Variants in RGL1 observed in about 807,000 individuals in gnomAD.
RGL1 encodes the protein ral guanine nucleotide dissociation stimulator like 1.
In RGL1, 24 loss-of-function variants were observed where a neutral mutation model predicts 95.2. The ratio of observed to expected loss-of-function variants is 0.25; its 90% confidence interval spans 0.18 to 0.35. The LOEUF (loss-of-function observed/expected upper bound fraction) is 0.35, where lower values mean the gene tolerates loss of function less well. Among genes scored for constraint, RGL1 ranks in the 10% least tolerant of loss-of-function variants. The pLI is 1.00. For missense variants in RGL1, 715 were observed against 936.3 expected (o/e 0.76, Z 3.08); for synonymous variants, 329 against 344.9 (o/e 0.95, Z 0.51).
At chr1:183,849,150 C>G (rs1186210023) in intron 3 of RGL1, among the ~76,000 whole-genome samples, 1 of 152,054 alleles carries the variant, frequency 6.6e-6, no homozygotes, top group Non-Finnish European at 1.5e-5. Context: ...AGTGCAGTCA[C>G]ACAATCATAG....
At chr1:183,855,652 G>A (rs958834801) in intron 3 of RGL1, among the ~76,000 whole-genome samples, 1 of 152,154 alleles carries the variant, frequency 6.6e-6, no homozygotes, top group African/African-American at 2.4e-5. Flanking sequence ...GAACCCGCAC[G>A]ACGGGTCTCA....
chr1:183,801,111 A>G (rs1465525890), upstream of RGL1, among the ~76,000 whole-genome samples: 9 of 149,336 alleles, frequency 6.0e-5, no homozygotes, highest in Non-Finnish European at 1.3e-4. Context: ...AAGGGTTCCA[A>G]TTTCTCCCCA....
chr1:183,777,268 T>C (rs1659652701), intron 2 of RGL1, among the ~76,000 whole-genome samples: 1 of 152,236 alleles, frequency 6.6e-6, no homozygotes, highest in Non-Finnish European at 1.5e-5. Context: ...GACATTTTCT[T>C]GCATCAGATG....
chr1:183,832,823 G>T (rs1663352259), intron 2 of RGL1, among the ~76,000 whole-genome samples: 1 of 152,122 alleles, frequency 6.6e-6, no homozygotes, highest in South Asian at 2.1e-4. Flanking sequence ...GCTTGGAATT[G>T]TTGTTGTTAT....
chr1:183,920,998 G>A (rs1017100127), intron 16 of RGL1, among the ~76,000 whole-genome samples: 5 of 152,166 alleles, frequency 3.3e-5, no homozygotes, highest in Admixed American at 3.3e-4. Context: ...TCTTTCTATA[G>A]TCCTCTTGCC....
At chr1:183,837,465 G>A (rs1194108666) in intron 2 of RGL1, among the ~76,000 whole-genome samples, 1 of 152,164 alleles carries the variant, frequency 6.6e-6, no homozygotes, top group Non-Finnish European at 1.5e-5. Flanking sequence ...AATTTTGGAA[G>A]TTCACTCTGG....
chr1:183,798,305 T>C (rs1660802035), intron 2 of RGL1, among the ~76,000 whole-genome samples: 1 of 152,194 alleles, frequency 6.6e-6, no homozygotes, highest in Non-Finnish European at 1.5e-5. Context: ...TTTCTTACCA[T>C]TTTATGTTGA....
chr1:183,792,906 T>C (rs1558209813), intron 2 of RGL1, among the ~76,000 whole-genome samples: 1 of 152,130 alleles, frequency 6.6e-6, no homozygotes, highest in Non-Finnish European at 1.5e-5. Flanking sequence ...ATGTAATCCC[T>C]ACCAAAATAC....
At position 183,928,138 on chromosome 1, in the gene RGL1, C is replaced by T. The variant is rs1669721386; in HGVS notation, c.*1846C>T. ...ATGCAGGTTGAAGTATATGTAGCCT[C>T]AGCCTGATATTCTTGGTGCGAAGGT... On this transcript the variant is annotated 3_prime_UTR_variant, in exon 18 of 18. Coordinates refer to ENST00000360851, the MANE Select transcript of RGL1 (RefSeq NM_001297671.3). 1 of 150,972 alleles carries T rather than the reference C, an allele frequency of 6.6e-6. No homozygotes were observed. 9.4% of individuals were successfully genotyped at this position (150,972 alleles called of 1,614,324 possible). A position where few individuals can be genotyped will look rare whatever the true frequency, so the allele number is the denominator to read the frequency against.
At chr1:183,740,878 T>C (rs929873477) in intron 1 of RGL1, among the ~76,000 whole-genome samples, 2 of 152,232 alleles carry the variant, frequency 1.3e-5, no homozygotes, top group African/African-American at 4.8e-5. Context: ...TGTGTGATAC[T>C]ATCTCTAGTC....
intron 2 of RGL1, among the ~76,000 whole-genome samples, chr1:183,825,106 CAA>C (rs1038773219): frequency 7.9e-5 from 12 of 152,068 alleles, no homozygotes; most frequent in Admixed American, 2.6e-4. Flanking sequence ...TGTATTTGAA[CAA>C]AGAGAACAGT....
At chr1:183,658,666 C>A (rs1243551355) in intron 1 of RGL1, among the ~76,000 whole-genome samples, 2 of 151,976 alleles carry the variant, frequency 1.3e-5, no homozygotes, top group Non-Finnish European at 2.9e-5. Flanking sequence ...GTAACCTCTG[C>A]AGACTTAAGT....
chr1:183,761,130 C>T (rs1436508096), intron 2 of RGL1, among the ~76,000 whole-genome samples: 1 of 152,214 alleles, frequency 6.6e-6, no homozygotes, highest in Non-Finnish European at 1.5e-5. Flanking sequence ...TTTTGACCTT[C>T]TCTCATGAAT....
At chr1:183,697,542 G>A (rs1007769025) in intron 1 of RGL1, among the ~76,000 whole-genome samples, 3 of 152,136 alleles carry the variant, frequency 2.0e-5, no homozygotes, top group Non-Finnish European at 4.4e-5. Flanking sequence ...TTTGAAATGT[G>A]ATTAATGGAA....
chr1:183,736,281 A>G (rs1371619773), intron 1 of RGL1, among the ~76,000 whole-genome samples: 1 of 152,226 alleles, frequency 6.6e-6, no homozygotes, highest in African/African-American at 2.4e-5. Context: ...GTTCTTCTGG[A>G]AAAATAATTC....
At chr1:183,826,951 GT>G (rs1662907949) in intron 2 of RGL1, among the ~76,000 whole-genome samples, 1 of 151,482 alleles carries the variant, frequency 6.6e-6, no homozygotes. Context: ...GAGACAGAGT[GT>G]CACTCTGTTG....
chr1:183,896,560 A>T (rs921201399), intron 9 of RGL1, among the ~76,000 whole-genome samples: 1 of 152,238 alleles, frequency 6.6e-6, no homozygotes, highest in Admixed American at 6.5e-5. Flanking sequence ...AGCCACTGAA[A>T]AAAACCCTTT....
intron 2 of RGL1, among the ~76,000 whole-genome samples, chr1:183,765,042 A>T (rs925222271): frequency 7.2e-5 from 11 of 152,188 alleles, no homozygotes; most frequent in African/African-American, 2.7e-4. Flanking sequence ...GAATTGGGTG[A>T]ACTCCTCTCT....
intron 1 of RGL1, among the ~76,000 whole-genome samples, chr1:183,733,829 G>C (rs570374568): frequency 5.3e-5 from 8 of 152,338 alleles, no homozygotes; most frequent in African/African-American, 1.9e-4. Context: ...CTGATCAAAT[G>C]AAGGAGGAAT....
Sources: gnomAD v4.1 joint callset for allele counts (sites outside exome capture counted in the v4.1 genomes callset) on GRCh38, gnomAD v4.1.1 for gene constraint, MANE v1.5 for transcripts, NCBI Gene and HGNC (gene_info 2026-07-23, HGNC 2026-07-21) for gene names.